Variants in DAGLA observed in about 807,000 individuals in gnomAD.
DAGLA encodes the protein diacylglycerol lipase alpha.
Under a neutral mutation model 102.6 loss-of-function variants are expected in DAGLA, and 22 were observed. The observed-to-expected ratio is 0.21, with a 90% confidence interval of 0.15 to 0.31. DAGLA has a LOEUF of 0.31. DAGLA is among the 10% of genes least tolerant of loss of function. DAGLA has a pLI of 1.00. For missense variants in DAGLA, 927 were observed against 1,446.6 expected, an observed-to-expected ratio of 0.64 and a Z score of 5.83; for synonymous variants, 578 against 628.9, an observed-to-expected ratio of 0.92 and a Z score of 1.21.
chr11:61,714,476 G>A (rs1306408191), intron 1 of DAGLA, among the ~76,000 whole-genome samples: 2 of 152,250 alleles, frequency 1.3e-5, no homozygotes, highest in African/African-American at 4.8e-5. Context: ...CTCCTGTGAG[G>A]GAGCTTCTGT....
intron 8 of DAGLA, among the ~76,000 whole-genome samples, chr11:61,729,571 T>C (rs1253564836): frequency 1.3e-5 from 2 of 152,164 alleles, no homozygotes; most frequent in Non-Finnish European, 2.9e-5. Context: ...AGCAAATGGC[T>C]GGAGCGTGCA....
chr11:61,685,060 G>T (rs2064976346), intron 1 of DAGLA, among the ~76,000 whole-genome samples: 1 of 152,036 alleles, frequency 6.6e-6, no homozygotes, highest in Non-Finnish European at 1.5e-5. Context: ...GCTCCTCCTT[G>T]AACCACCTGG....
intron 1 of DAGLA, among the ~76,000 whole-genome samples, chr11:61,714,468 C>T (rs531717174): frequency 2.0e-4 from 30 of 152,370 alleles, no homozygotes; most frequent in African/African-American, 7.0e-4. Context: ...AGGTTTATCT[C>T]CTGTGAGGGA....
chr11:61,736,835 G>A (rs2065426821), intron 13 of DAGLA, among the ~76,000 whole-genome samples: 1 of 152,206 alleles, frequency 6.6e-6, no homozygotes, highest in African/African-American at 2.4e-5. Flanking sequence ...AGGGTAGAGA[G>A]ATGGGGTCAG....
rs554148003 is a variant in DAGLA at position 61,686,672 on chromosome 11, G to A, written c.-45+6168G>A. ...GCCTGCGGCTCTGGGGTGGAGGTCG[G>A]GACGGTGGCCCTCCGCTGTGTAAGG... On this transcript the variant is annotated intron_variant, in intron 1 of 19. Transcript: ENST00000257215. This position sits in a 1 kb window ranked among gnomAD's most constrained non-coding sequence, Gnocchi z 5.2. 6.6e-6 allele frequency among the ~76,000 whole-genome samples: 1 copy of A among 152,316 alleles called. No individual in the cohort carries two copies. The highest frequency in any genetic ancestry group is 2.4e-5 in the African/African-American group (1 of 41,554).
intron 1 of DAGLA, among the ~76,000 whole-genome samples, chr11:61,717,041 G>A (rs560441495): frequency 8.5e-5 from 13 of 152,146 alleles, no homozygotes; most frequent in Non-Finnish European, 1.9e-4. Context: ...CCACTGGTGT[G>A]GGATAGGAAG....
Position 61,686,810 on chromosome 11 carries a change from T to C in DAGLA, c.-45+6306T>C. ...TTCCTGGACTTCCTTGAGGTTAATC[T>C]ATTATTGATGTCCCTTCGTTTATAT... On this transcript the variant is annotated intron_variant, in intron 1 of 19. Coordinates refer to ENST00000257215, the MANE Select transcript of DAGLA (RefSeq NM_006133.3). This position sits in a 1 kb window ranked among gnomAD's most constrained non-coding sequence, Gnocchi z 5.2. Among the ~76,000 whole-genome samples, 1 of 152,206 alleles carries C rather than the reference T, an allele frequency of 6.6e-6. No individual in the cohort carries two copies. Among genetic ancestry groups the C allele is most frequent in the Middle Eastern group, 3.2e-3 (1 of 316 alleles).
chr11:61,687,651 G>A (rs1419255760), intron 1 of DAGLA, among the ~76,000 whole-genome samples: 1 of 148,534 alleles, frequency 6.7e-6, no homozygotes, highest in Non-Finnish European at 1.5e-5. Flanking sequence ...GCATCTTGTA[G>A]CACTCTCTTA....
chr11:61,734,477 T>C lies in DAGLA; in HGVS notation c.975-372T>C, dbSNP rs2065406255. Among the ~76,000 whole-genome samples the C allele has an allele frequency of 6.6e-6, 1 of 151,772 alleles. No homozygotes were observed. The highest frequency in any genetic ancestry group is 2.1e-4 in the South Asian group (1 of 4,802). On this transcript the variant is annotated intron_variant, in intron 9 of 19. Transcript: ENST00000257215. This position sits in a 1 kb window ranked among gnomAD's most constrained non-coding sequence, Gnocchi z 4.2. Reference sequence around the variant, plus strand: ...GGTGGATTCCTGAGCATGCAGATGGTGTCTAAAACACAAGACTGCATGAGT... The same window carrying C: ...GGTGGATTCCTGAGCATGCAGATGGCGTCTAAAACACAAGACTGCATGAGT...
At chr11:61,696,921 C>A (rs190063134) in intron 1 of DAGLA, among the ~76,000 whole-genome samples, 46 of 151,954 alleles carry the variant, frequency 3.0e-4, no homozygotes, top group Non-Finnish European at 6.2e-4. Flanking sequence ...AGGTGTGGAT[C>A]TGGGTGGTTT....
intron 7 of DAGLA, 121 bp downstream of exon 7, chr11:61,728,408 C>G: frequency 1.6e-6 from 2 of 1,239,288 alleles, no homozygotes; most frequent in Non-Finnish European, 2.3e-6. Context: ...TGACCACGCA[C>G]TCTCTTGGAC....
At chr11:61,729,536 G>A (rs768961394) in intron 8 of DAGLA, among the ~76,000 whole-genome samples, 16 of 151,172 alleles carry the variant, frequency 1.1e-4, no homozygotes, top group Non-Finnish European at 2.1e-4. Flanking sequence ...GCTGGCAGCC[G>A]GGAGAAACAG....
At chr11:61,710,592 G>T (rs1037707721) in intron 1 of DAGLA, among the ~76,000 whole-genome samples, 1 of 152,022 alleles carries the variant, frequency 6.6e-6, no homozygotes, top group Non-Finnish European at 1.5e-5. Flanking sequence ...GTGCCAGTGC[G>T]GCCGTGCTGG....
chr11:61,729,592 T>C (rs1225588744), intron 8 of DAGLA, among the ~76,000 whole-genome samples: 3 of 152,176 alleles, frequency 2.0e-5, no homozygotes, highest in Admixed American at 1.3e-4. Context: ...TCTGCTCTGA[T>C]GCCTGTCGCT....
At chr11:61,730,322 G>A (rs1050364664) in intron 8 of DAGLA, among the ~76,000 whole-genome samples, 7 of 151,938 alleles carry the variant, frequency 4.6e-5, no homozygotes, top group Admixed American at 2.6e-4. Context: ...AGGTGCCAGG[G>A]TCACACCTGC....
At chr11:61,732,622 G>T (rs2065385507) in intron 9 of DAGLA, among the ~76,000 whole-genome samples, 1 of 152,198 alleles carries the variant, frequency 6.6e-6, no homozygotes, top group South Asian at 2.1e-4. Context: ...GACAGGAGGG[G>T]TGCTGGCATT....
Position 61,744,323 on chromosome 11 carries a change from T to C in DAGLA, c.2963T>C (p.Leu988Pro). ...GCCGACCCCTCCTCGGGCATCTCAC[T>C]CTCGCCCTCCTTCCCGCTCAGCTCC... ...GSADPSSGIS[L>P]SPSFPLSSSG... The change falls in exon 20 of 20, where the codon CTC (leucine) becomes CCC (proline). Residue 988 changes from leucine (L) to proline (P), a missense_variant. Around this residue, in one of 4 missense-constraint regions of DAGLA, gnomAD observed 434 missense variants for 503.3 expected, o/e 0.86. Transcript: ENST00000257215. The C allele has an allele frequency of 6.2e-7, 1 of 1,612,494 alleles. No homozygotes were observed. The highest frequency in any genetic ancestry group is 8.5e-7 in the Non-Finnish European group (1 of 1,179,674).
intron 1 of DAGLA, among the ~76,000 whole-genome samples, chr11:61,718,096 A>G (rs944941507): frequency 1.3e-5 from 2 of 152,050 alleles, no homozygotes; most frequent in Admixed American, 1.3e-4. Flanking sequence ...GGTGACTGAG[A>G]GGGGCCATCC....
At chr11:61,711,454 G>A (rs766617617) in intron 1 of DAGLA, among the ~76,000 whole-genome samples, 8 of 152,220 alleles carry the variant, frequency 5.3e-5, no homozygotes, top group Non-Finnish European at 1.2e-4. Context: ...AAACATTGTC[G>A]GAGCACAGGA....
Sources: gnomAD v4.1 joint callset for allele counts (sites outside exome capture counted in the v4.1 genomes callset) on GRCh38, gnomAD v4.1.1 for gene constraint, gnomAD v4.1.1 regional missense constraint, Gnocchi (gnomAD v3.1) non-coding constraint, MANE v1.5 for transcripts, NCBI Gene and HGNC (gene_info 2026-07-23, HGNC 2026-07-21) for gene names.